Variants in STK33 observed in about 807,000 individuals in gnomAD.
The protein encoded by STK33 is serine/threonine kinase 33.
A neutral mutation model predicts 58.0 loss-of-function variants in STK33; 52 were observed. The ratio of observed to expected loss-of-function variants is 0.90; its 90% CI spans 0.72 to 1.13. STK33 has a LOEUF of 1.13. STK33 is among the 50% of genes most tolerant of loss of function. The pLI is 0.00. For synonymous variants in STK33, 215 were observed against 200.1 expected (o/e 1.07, Z -0.63); for missense variants, 630 against 604.2 (o/e 1.04, Z -0.45).
At chr11:8,335,413 C>G in the STK33 span, among the ~76,000 whole-genome samples, 1 of 152,224 alleles carries the variant, frequency 6.6e-6, no homozygotes, top group African/African-American at 2.4e-5. Context: ...TCATGCAGGA[C>G]AATGGCCATT....
intron 1 of STK33, among the ~76,000 whole-genome samples, chr11:8,530,479 TACC>T (rs1206162094): frequency 2.6e-5 from 4 of 151,626 alleles, no homozygotes; most frequent in East Asian, 1.9e-4. Flanking sequence ...GAAAAAAATC[TACC>T]ACCACCACCA....
chr11:8,423,187 G>GCT (rs1554915573), intron 14 of STK33, among the ~76,000 whole-genome samples: 5 of 147,188 alleles, frequency 3.4e-5, no homozygotes, highest in Non-Finnish European at 7.5e-5. Context: ...TATTTATTTT[G>GCT]TTTTTTTTTC....
At chr11:8,549,325 C>G (rs1027419672) in intron 1 of STK33, among the ~76,000 whole-genome samples, 2 of 152,134 alleles carry the variant, frequency 1.3e-5, no homozygotes, top group Non-Finnish European at 2.9e-5. Flanking sequence ...GTAAATCACA[C>G]TTGATTGTGC....
the STK33 span, among the ~76,000 whole-genome samples, chr11:8,386,449 G>A: frequency 7.9e-5 from 12 of 152,222 alleles, no homozygotes; most frequent in Non-Finnish European, 1.8e-4. Flanking sequence ...CCATTTGCAT[G>A]GTTTTGGGTA....
Position 8,454,840 on chromosome 11 carries a change from G to A in STK33, c.698-8C>T. On this transcript the variant is annotated splice_region_variant and splice_polypyrimidine_tract_variant and intron_variant, in intron 9 of 15. Transcript: ENST00000687296. ...GATCTCTATGTACAATATCTACCAA[G>A]AAAATAAACAACAAATCAAATGAAA... 1 of 1,530,330 alleles carries A rather than the reference G, an allele frequency of 6.5e-7. No homozygotes were observed. Among genetic ancestry groups the A allele is most frequent in the South Asian group, 1.2e-5 (1 of 82,164 alleles). The allele number at this position is 1,530,330 out of a possible 1,614,324, so 94.8% of individuals were successfully genotyped here.
downstream of STK33, among the ~76,000 whole-genome samples, chr11:8,388,521 T>C (rs935500325): frequency 6.6e-6 from 1 of 152,272 alleles, no homozygotes; most frequent in East Asian, 1.9e-4. Flanking sequence ...AGAGTACAAC[T>C]GAACGATGTG....
chr11:8,550,932 A>C (rs2140561428), intron 1 of STK33, among the ~76,000 whole-genome samples: 1 of 152,198 alleles, frequency 6.6e-6, no homozygotes, highest in South Asian at 2.1e-4. Context: ...TACTGGTACC[A>C]ATTTACAGTG....
Position 8,567,516 on chromosome 11 carries a change from T to C in STK33, c.-466+26567A>G, listed in dbSNP as rs1373940614. On this transcript the variant is annotated intron_variant, in intron 1 of 15. Coordinates refer to ENST00000687296, the MANE Select transcript of STK33 (RefSeq NM_001352389.2). ...AAGAGTCTTTACAGGAACACATTTC[T>C]TTAGGGATTGGCTATAACAAACCAA... 2.6e-5 allele frequency among the ~76,000 whole-genome samples: 4 copies of C among 152,322 alleles called. No homozygotes were observed. The East Asian group carries it at 7.7e-4, about 29-fold the overall frequency.
chr11:8,484,521 G>A lies in STK33; in HGVS notation c.-465-3907C>T, dbSNP rs1950068860. Among the ~76,000 whole-genome samples, 5 of 152,166 alleles carry A rather than the reference G, an allele frequency of 3.3e-5. No homozygotes were observed. In the South Asian group the frequency reaches 1.0e-3, roughly 32 times the overall value. ...GAGCTGTAGTGGGAATGTCTTGATGGAATAGCCTACGAGCAACTTGTCATG... is the reference window on the plus strand; with the variant it reads ...GAGCTGTAGTGGGAATGTCTTGATGAAATAGCCTACGAGCAACTTGTCATG... On this transcript the variant is annotated intron_variant, in intron 1 of 15. Coordinates refer to ENST00000687296, the MANE Select transcript of STK33 (RefSeq NM_001352389.2).
At chr11:8,547,788 T>C (rs1278486442) in intron 1 of STK33, among the ~76,000 whole-genome samples, 2 of 152,114 alleles carry the variant, frequency 1.3e-5, no homozygotes, top group African/African-American at 4.8e-5. Context: ...TCCAAAAAAA[T>C]CTTTGCCCAG....
chr11:8,580,349 A>G (rs896286018), intron 1 of STK33, among the ~76,000 whole-genome samples: 4 of 152,170 alleles, frequency 2.6e-5, no homozygotes, highest in Non-Finnish European at 5.9e-5. Flanking sequence ...ATTATGTTAA[A>G]CGAAATGAGC....
chr11:8,451,000 C>A (rs1236948515), intron 11 of STK33, among the ~76,000 whole-genome samples: 2 of 152,058 alleles, frequency 1.3e-5, no homozygotes, highest in Non-Finnish European at 2.9e-5. Flanking sequence ...CAATAAAATA[C>A]CACTTCCTAC....
intron 8 of STK33, 31 bp downstream of exon 8, chr11:8,461,774 T>G: frequency 2.0e-6 from 3 of 1,491,524 alleles, no homozygotes; most frequent in Non-Finnish European, 2.7e-6. Flanking sequence ...TAATAACAAC[T>G]TTCAAAATGC....
chr11:8,513,106 T>C (rs936336424), intron 1 of STK33, among the ~76,000 whole-genome samples: 1 of 152,208 alleles, frequency 6.6e-6, no homozygotes, highest in African/African-American at 2.4e-5. Flanking sequence ...GTTGCTAATG[T>C]ATACCATCAC....
At chr11:8,417,909 A>G (rs1009751206) in intron 14 of STK33, among the ~76,000 whole-genome samples, 5 of 152,082 alleles carry the variant, frequency 3.3e-5, no homozygotes, top group African/African-American at 1.2e-4. Flanking sequence ...ATTCTCTCTG[A>G]CCAGTAAGTC....
intron 6 of STK33, chr11:8,466,072 A>C (rs2084082764): frequency 6.6e-6 from 1 of 152,198 alleles, no homozygotes; most frequent in Non-Finnish European, 1.5e-5. Context: ...ATCATCTCCC[A>C]GTGGTTCCCT....
At chr11:8,500,766 T>A (rs559268473) in intron 1 of STK33, among the ~76,000 whole-genome samples, 1 of 152,304 alleles carries the variant, frequency 6.6e-6, no homozygotes, top group South Asian at 2.1e-4. Context: ...CACTCATACT[T>A]AATGATTTTA....
intron 1 of STK33, among the ~76,000 whole-genome samples, chr11:8,492,258 A>G (rs1443643934): frequency 6.6e-6 from 1 of 152,162 alleles, no homozygotes; most frequent in Non-Finnish European, 1.5e-5. Flanking sequence ...AGATCTACCA[A>G]GCAAATGGAA....
chr11:8,435,373 A>T, intron 14 of STK33, 121 bp downstream of exon 14: 1 of 495,802 alleles, frequency 2.0e-6, no homozygotes, highest in Non-Finnish European at 3.2e-6. Context: ...AATGTTTTTT[A>T]ATTTGACAGA....
Sources: gnomAD v4.1 joint callset for allele counts (sites outside exome capture counted in the v4.1 genomes callset) on GRCh38, gnomAD v4.1.1 for gene constraint, MANE v1.5 for transcripts, NCBI Gene and HGNC (gene_info 2026-07-23, HGNC 2026-07-21) for gene names.